Variants in SCGB2B2 observed in about 807,000 individuals in gnomAD.
The protein encoded by SCGB2B2 is secretoglobin-like protein.
A neutral mutation model predicts 7.6 loss-of-function variants in SCGB2B2; 11 were observed. The ratio of observed to expected loss-of-function variants is 1.45; its 90% CI spans 0.91 to 2.40. The LOEUF (loss-of-function observed/expected upper bound fraction) is 2.40. SCGB2B2 is among the 30% of genes most tolerant of loss of function. SCGB2B2 has a pLI of 0.00. For synonymous variants in SCGB2B2, 50 were observed against 48.6 expected, an observed-to-expected ratio of 1.03 and a Z score of -0.12; for missense variants, 104 against 115.4, an observed-to-expected ratio of 0.90 and a Z score of 0.45.
intron 1 of SCGB2B2, among the ~76,000 whole-genome samples, chr19:34,602,322 T>C (rs867450470): frequency 1.3e-5 from 2 of 152,364 alleles, no homozygotes; most frequent in Middle Eastern, 6.8e-3. Context: ...ATTCTTTTTA[T>C]ATATAATCTC....
intron 1 of SCGB2B2, among the ~76,000 whole-genome samples, chr19:34,660,303 G>C (rs1252652457): frequency 6.6e-6 from 1 of 152,146 alleles, no homozygotes; most frequent in Non-Finnish European, 1.5e-5. Flanking sequence ...TTGAACTAAA[G>C]AGCTTCTGCA....
intron 1 of SCGB2B2, among the ~76,000 whole-genome samples, chr19:34,608,308 T>C (rs1443909886): frequency 6.6e-6 from 1 of 152,030 alleles, no homozygotes; most frequent in Admixed American, 6.6e-5. Flanking sequence ...GTATATTTTG[T>C]ATCCTGCAAC....
rs534142015 is a variant in SCGB2B2 at position 34,597,747 on chromosome 19, G to T, written c.-2031-1153C>A. 1.2e-3 allele frequency among the ~76,000 whole-genome samples: 176 copies of T among 152,320 alleles called. 1 individual carries two copies. The highest frequency in any genetic ancestry group is 3.9e-3 in the African/African-American group (161 of 41,570). Reference sequence around the variant, plus strand: ...GGGAAGACAACAATTATTTGGTTTTGCCCTGTGAGCAGCAGCAGAGAGCGG... The same window carrying T: ...GGGAAGACAACAATTATTTGGTTTTTCCCTGTGAGCAGCAGCAGAGAGCGG... On this transcript the variant is annotated intron_variant, in intron 1 of 3. Transcript: ENST00000601241.
intron 1 of SCGB2B2, among the ~76,000 whole-genome samples, chr19:34,665,528 C>A (rs1237904506): frequency 6.6e-6 from 1 of 152,330 alleles, no homozygotes; most frequent in Admixed American, 6.5e-5. Context: ...ACGATCTGGT[C>A]ATGTCATGCA....
rs543213134 is a variant in SCGB2B2, at chr19:34,596,001, G to C, written c.-1438C>G. 1.1e-3 allele frequency: 174 copies of C among 152,520 alleles called. 1 individual carries two copies. The highest frequency in any genetic ancestry group is 4.0e-3 in the African/African-American group (165 of 41,588). The allele number at this position is 152,520 out of a possible 1,614,324, so 9.4% of individuals were successfully genotyped here. A position where few individuals can be genotyped will look rare whatever the true frequency, so the allele number is the denominator to read the frequency against. On this transcript the variant is annotated 5_prime_UTR_variant, in exon 2 of 4. Coordinates refer to ENST00000601241, the MANE Select transcript of SCGB2B2 (RefSeq NM_001025591.4). ...GAGAGCCATGTAGAACCGCAGAGCA[G>C]TTCCTAGATTAGGCTGTGCCACCCA... is the stretch of plus-strand genomic sequence containing the variant.
intron 1 of SCGB2B2, among the ~76,000 whole-genome samples, chr19:34,604,144 C>A (rs2065711611): frequency 6.6e-6 from 1 of 152,178 alleles, no homozygotes; most frequent in African/African-American, 2.4e-5. Flanking sequence ...ATCATGTCAT[C>A]ATTCAGTGTC....
intron 1 of SCGB2B2, among the ~76,000 whole-genome samples, chr19:34,614,550 T>C (rs1315027449): frequency 6.6e-6 from 1 of 152,236 alleles, no homozygotes; most frequent in African/African-American, 2.4e-5. Flanking sequence ...TTTTCTTTTA[T>C]CTTGTCGAGT....
intron 1 of SCGB2B2, among the ~76,000 whole-genome samples, chr19:34,604,005 T>C (rs2065707675): frequency 6.6e-6 from 1 of 152,172 alleles, no homozygotes; most frequent in Non-Finnish European, 1.5e-5. Flanking sequence ...TCATTATTTG[T>C]GTCTTTCCCA....
intron 1 of SCGB2B2, among the ~76,000 whole-genome samples, chr19:34,670,535 T>TAGA (rs2067775163): frequency 2.0e-5 from 3 of 152,244 alleles, no homozygotes; most frequent in African/African-American, 7.2e-5. Flanking sequence ...TCCCTCTATC[T>TAGA]TCTTTGGTTA....
At chr19:34,670,416 G>A (rs2067771901) in intron 1 of SCGB2B2, among the ~76,000 whole-genome samples, 3 of 152,190 alleles carry the variant, frequency 2.0e-5, no homozygotes, top group African/African-American at 7.2e-5. Flanking sequence ...GGTATGGTCA[G>A]TCTTTAATTT....
At chr19:34,613,909 G>A (rs192471198) in intron 1 of SCGB2B2, among the ~76,000 whole-genome samples, 99 of 152,270 alleles carry the variant, frequency 6.5e-4, no homozygotes, top group African/African-American at 2.3e-3. Flanking sequence ...TATTCTTGCT[G>A]GACAAGTTTT....
At position 34,673,911 on chromosome 19, in the gene SCGB2B2, T is replaced by A. The variant is rs553392506; in HGVS notation, c.-2032+1719A>T. ...ATGGCATCCTCTGGCTCTCTTATAC[T>A]CCTGCTTCCCTAACGATGGGGCATT... is the stretch of plus-strand genomic sequence containing the variant. On this transcript the variant is annotated intron_variant, in intron 1 of 3. Transcript: ENST00000601241. 9.2e-5 allele frequency among the ~76,000 whole-genome samples: 14 copies of A among 152,326 alleles called. 1 individual carries two copies. In the South Asian group the frequency reaches 2.9e-3, roughly 32 times the overall value.
chr19:34,629,658 A>G lies in SCGB2B2; in HGVS notation c.-2031-33064T>C, dbSNP rs185538250. Among the ~76,000 whole-genome samples, 458 of 152,176 alleles carry G rather than the reference A, an allele frequency of 3.0e-3. 3 individuals are homozygous for G. Among genetic ancestry groups the G allele is most frequent in the African/African-American group, 0.011 (438 of 41,570 alleles). On this transcript the variant is annotated intron_variant, in intron 1 of 3. Transcript: ENST00000601241. ...GGAAGAACATTCCATGCTCATGGGT[A>G]GGAAGAATCAATATCGTGAAAATGG...
intron 1 of SCGB2B2, among the ~76,000 whole-genome samples, chr19:34,629,565 T>C (rs566435771): frequency 6.6e-6 from 1 of 152,048 alleles, no homozygotes; most frequent in South Asian, 2.1e-4. Flanking sequence ...TTACAAGGGA[T>C]GTGAAGGACC....
At chr19:34,635,107 C>A in intron 1 of SCGB2B2, 1 of 280,004 alleles carries the variant, frequency 3.6e-6, no homozygotes, top group South Asian at 4.8e-5. Context: ...AGGCTTTGCC[C>A]CAGTGTGAAT....
intron 1 of SCGB2B2, among the ~76,000 whole-genome samples, chr19:34,623,271 C>G (rs951230173): frequency 3.3e-5 from 5 of 152,130 alleles, no homozygotes; most frequent in Non-Finnish European, 7.3e-5. Flanking sequence ...TGGGACTTTC[C>G]TAAAGCAAAC....
chr19:34,606,137 CATAGTTACTAAAAATTTG>C (rs2065772196), intron 1 of SCGB2B2, among the ~76,000 whole-genome samples: 1 of 151,332 alleles, frequency 6.6e-6, no homozygotes, highest in Non-Finnish European at 1.5e-5. Flanking sequence ...AAAAATTTTA[CATAGTTACTAAAAATTTG>C]TTTTTAATTA....
downstream of SCGB2B2, among the ~76,000 whole-genome samples, chr19:34,590,546 C>T (rs2065273616): frequency 6.6e-6 from 1 of 152,166 alleles, no homozygotes; most frequent in Non-Finnish European, 1.5e-5. Flanking sequence ...CAGCAAGACT[C>T]TTGTTGAAGA....
rs1371484359 is a variant in SCGB2B2 at position 34,592,523 on chromosome 19, G to A, written c.*1032C>T. ...GAGGGAGGAGTCTAGGGCGGTGTGA[G>A]CTGATAGGGGTAGGCGACCACCGCC... On this transcript the variant is annotated 3_prime_UTR_variant, in exon 4 of 4. Coordinates refer to ENST00000601241, the MANE Select transcript of SCGB2B2 (RefSeq NM_001025591.4). Among the ~76,000 whole-genome samples, 1 of 151,956 alleles carries A rather than the reference G, an allele frequency of 6.6e-6. No homozygotes were observed. Among genetic ancestry groups the A allele is most frequent in the African/African-American group, 2.4e-5 (1 of 41,340 alleles).
Sources: gnomAD v4.1 joint callset for allele counts (sites outside exome capture counted in the v4.1 genomes callset) on GRCh38, gnomAD v4.1.1 for gene constraint, MANE v1.5 for transcripts, NCBI Gene and HGNC (gene_info 2026-07-23, HGNC 2026-07-21) for gene names.